Variants in ITPA observed in about 807,000 individuals in gnomAD.
The protein encoded by ITPA is inosine triphosphatase.
Under a neutral mutation model 29.6 loss-of-function variants are expected in ITPA, and 29 were observed. The ratio of observed to expected loss-of-function variants is 0.98; its 90% confidence interval spans 0.73 to 1.34. The LOEUF (loss-of-function observed/expected upper bound fraction) is 1.34, where lower values mean the gene tolerates loss of function less well. Ranked by LOEUF, ITPA falls within the 40% of genes most tolerant of loss-of-function variation. ITPA has a pLI of 0.00. For synonymous variants in ITPA, 103 were observed against 99.3 expected, an observed-to-expected ratio of 1.04 and a Z score of -0.22; for missense variants, 241 against 251.5, an observed-to-expected ratio of 0.96 and a Z score of 0.28.
At chr20:3,215,773 C>T (rs1159005416) in intron 5 of ITPA, among the ~76,000 whole-genome samples, 2 of 152,144 alleles carry the variant, frequency 1.3e-5, no homozygotes, top group Non-Finnish European at 2.9e-5. Context: ...GCAACCTCTG[C>T]CTCTTGGGTT....
chr20:3,204,494 G>C (rs2067057066), upstream of ITPA: 2 of 1,532,944 alleles, frequency 1.3e-6, no homozygotes, highest in Non-Finnish European at 1.7e-6. Flanking sequence ...CAGAAGGCCA[G>C]AAAACCCGGT....
Position 3,221,665 on chromosome 20 carries a change from T to C in ITPA, c.412-176T>C, listed in dbSNP as rs1207670670. ...GTGTGAGGGAAGAGCTGCCCCGCTC[T>C]GCTTTTTATTGTATTCAGCAAACAT... is the stretch of plus-strand genomic sequence containing the variant. On this transcript the variant is annotated intron_variant, in intron 6 of 7. Transcript: ENST00000380113. 4 of 687,900 alleles carry C rather than the reference T, an allele frequency of 5.8e-6. No individual in the cohort carries two copies. In the African/African-American group the frequency reaches 7.0e-5, roughly 12 times the overall value. The allele number at this position is 687,900 out of a possible 1,614,324, so 42.6% of individuals were successfully genotyped here. A position where few individuals can be genotyped will look rare whatever the true frequency, so the allele number is the denominator to read the frequency against.
Position 3,218,939 on chromosome 20 carries a change from G to C in ITPA, c.411+307G>C, listed in dbSNP as rs190894350. The C allele has an allele frequency of 1.0e-3, 451 of 446,200 alleles. 3 individuals carry two copies. Among genetic ancestry groups the C allele is most frequent in the African/African-American group, 7.5e-3 (377 of 50,350 alleles). The allele number at this position is 446,200 out of a possible 1,614,324, so 27.6% of individuals were successfully genotyped here. A position where few individuals can be genotyped will look rare whatever the true frequency, so the allele number is the denominator to read the frequency against. ...TGACCCCTGAGGCTGTTGTTTCAGG[G>C]AAACAGTTGGCTAACAGCTCCTGAG... On this transcript the variant is annotated intron_variant, in intron 6 of 7. Coordinates refer to ENST00000380113, the MANE Select transcript of ITPA (RefSeq NM_033453.4).
At chr20:3,216,148 G>T (rs992061154) in intron 5 of ITPA, among the ~76,000 whole-genome samples, 2 of 144,286 alleles carry the variant, frequency 1.4e-5, no homozygotes, top group African/African-American at 5.3e-5. Context: ...GCGCCAGCAC[G>T]CTGGCTAAGT....
At chr20:3,222,765 C>T (rs1406497967) in intron 7 of ITPA, among the ~76,000 whole-genome samples, 1 of 152,204 alleles carries the variant, frequency 6.6e-6, no homozygotes, top group East Asian at 1.9e-4. Context: ...ATTGTGGAAC[C>T]AGCCACTAGC....
upstream of ITPA, among the ~76,000 whole-genome samples, chr20:3,207,041 A>G (rs149180648): frequency 1.1e-3 from 160 of 152,134 alleles, no homozygotes; most frequent in African/African-American, 3.8e-3. Flanking sequence ...AAAAGAATGA[A>G]AAAGAAAGTT....
chr20:3,223,005 T>C (rs2067505977), intron 7 of ITPA, among the ~76,000 whole-genome samples: 1 of 152,168 alleles, frequency 6.6e-6, no homozygotes, highest in Admixed American at 6.5e-5. Context: ...CCTCAGCGCA[T>C]GAGAGGAGAC....
At chr20:3,207,995 CAAAA>C (rs71195826), upstream of ITPA, among the ~76,000 whole-genome samples, 46 of 116,442 alleles carry the variant, frequency 4.0e-4, no homozygotes, top group East Asian at 7.4e-4. Flanking sequence ...GACTCCGTCT[CAAAA>C]AAAAAAAAAA....
At chr20:3,216,351 G>A (rs1454455300) in intron 5 of ITPA, among the ~76,000 whole-genome samples, 1 of 149,456 alleles carries the variant, frequency 6.7e-6, no homozygotes. Context: ...GTAGCGTTGG[G>A]ATTTCACCAT....
At chr20:3,215,167 C>T (rs111863289) in intron 4 of ITPA, 114 bp from the exon 5 acceptor site, 22 of 1,093,098 alleles carry the variant, frequency 2.0e-5, no homozygotes, top group Non-Finnish European at 2.8e-5. Context: ...TCGCCTGGCT[C>T]TTGGAGGCAT....
At position 3,218,198 on chromosome 20, in the gene ITPA, A is replaced by G. The variant is rs373210682; in HGVS notation, c.296-319A>G. ...CTCCCAAAGTGCTGGGATTACTGGC[A>G]TGAGCCACCACGCCCGGCCTACAGT... is the stretch of plus-strand genomic sequence containing the variant. On this transcript the variant is annotated intron_variant, in intron 5 of 7. Transcript: ENST00000380113. Among the ~76,000 whole-genome samples, 15 of 152,216 alleles carry G rather than the reference A, an allele frequency of 9.9e-5. No homozygotes were observed. In the East Asian group the frequency reaches 2.1e-3, roughly 21 times the overall value.
upstream of ITPA, among the ~76,000 whole-genome samples, chr20:3,205,153 A>G (rs1395837038): frequency 6.6e-6 from 1 of 152,162 alleles, no homozygotes; most frequent in African/African-American, 2.4e-5. Context: ...CCCGGACTAT[A>G]TATGTTTTAA....
chr20:3,226,092 T>A (rs988631629), downstream of ITPA, among the ~76,000 whole-genome samples: 3 of 152,206 alleles, frequency 2.0e-5, no homozygotes, highest in African/African-American at 7.2e-5. This position sits in a 1 kb window ranked among gnomAD's most constrained non-coding sequence, Gnocchi z 4.4. Flanking sequence ...TCTAGCAAAT[T>A]AATTGAACCT....
In ITPA at chr20:3,209,933, G is replaced by A. The variant is rs2067134839; in HGVS notation, c.66+316G>A. On this transcript the variant is annotated intron_variant, in intron 1 of 7. Transcript: ENST00000380113. This position sits in a 1 kb window ranked among gnomAD's most constrained non-coding sequence, Gnocchi z 4.6. Reference sequence around the variant, plus strand: ...ACCGCCCCGAAGGTCACCTATTGAAGTAGACCCCAACCCAGTGTCCCGACA... The same window carrying A: ...ACCGCCCCGAAGGTCACCTATTGAAATAGACCCCAACCCAGTGTCCCGACA... 6.6e-6 allele frequency among the ~76,000 whole-genome samples: 1 copy of A among 152,124 alleles called. No individual in the cohort carries two copies. The highest frequency in any genetic ancestry group is 1.5e-5 in the Non-Finnish European group (1 of 68,030).
upstream of ITPA, among the ~76,000 whole-genome samples, chr20:3,208,315 T>G (rs965351276): frequency 1.3e-5 from 2 of 152,132 alleles, no homozygotes; most frequent in Admixed American, 6.6e-5. Context: ...CTCTGCATAA[T>G]GGTTAGTGTT....
chr20:3,220,715 A>AT (rs199802424), intron 6 of ITPA, among the ~76,000 whole-genome samples: 1,540 of 136,164 alleles, frequency 0.011, 29 homozygotes, highest in African/African-American at 0.037. Context: ...CATCTGGCTA[A>AT]TTAAAAAAAA....
At chr20:3,216,307 G>C (rs528782084) in intron 5 of ITPA, among the ~76,000 whole-genome samples, 31 of 139,226 alleles carry the variant, frequency 2.2e-4, no homozygotes, top group South Asian at 1.4e-3. Context: ...CTACAGGCAC[G>C]TGCCACCATG....
In ITPA at chr20:3,209,527, C is replaced by T. The variant is rs370491898; in HGVS notation, c.-25C>T. The T allele has an allele frequency of 9.1e-5, 147 of 1,611,948 alleles. No individual in the cohort carries two copies. Among genetic ancestry groups the T allele is most frequent in the Admixed American group, 4.8e-4 (29 of 59,938 alleles). On this transcript the variant is annotated 5_prime_UTR_variant, in exon 1 of 8. Coordinates refer to ENST00000380113, the MANE Select transcript of ITPA (RefSeq NM_033453.4). This position sits in a 1 kb window ranked among gnomAD's most constrained non-coding sequence, Gnocchi z 4.6. ...CTGGACGCCAAGGAGTTTTCGGTGGCTCAGCTGGGTAACCGGGGATCACCA... is the reference window on the plus strand; with the variant it reads ...CTGGACGCCAAGGAGTTTTCGGTGGTTCAGCTGGGTAACCGGGGATCACCA...
chr20:3,225,566 C>G (rs559836552), downstream of ITPA, among the ~76,000 whole-genome samples: 54 of 152,258 alleles, frequency 3.5e-4, no homozygotes, highest in African/African-American at 1.3e-3. Context: ...GGAGGGCACA[C>G]AAGCTCTGTG....
Sources: allele counts gnomAD v4.1 joint callset (sites outside exome capture counted in the v4.1 genomes callset), GRCh38; gene constraint gnomAD v4.1.1; non-coding constraint Gnocchi (gnomAD v3.1); transcripts MANE v1.5; gene names NCBI Gene and HGNC (gene_info 2026-07-23, HGNC 2026-07-21).